The following GRM5 variants were observed in gnomAD, a reference collection of about 807,000 sequenced individuals.
GRM5 encodes metabotropic glutamate receptor 5.
In GRM5, 19 loss-of-function variants were observed where a neutral mutation model predicts 83.1. That is an observed-to-expected ratio of 0.23 (90% confidence interval 0.16 to 0.34). The LOEUF (loss-of-function observed/expected upper bound fraction) is 0.34, where lower values mean the gene tolerates loss of function less well. Among genes scored for constraint, GRM5 ranks in the 10% least tolerant of loss-of-function variants. The pLI is 1.00. For synonymous variants in GRM5, 675 were observed against 633.6 expected (o/e 1.07, Z -0.98); for missense variants, 1,160 against 1,588.3 (o/e 0.73, Z 4.58).
chr11:88,721,271 A>G (rs1388116388), intron 3 of GRM5, among the ~76,000 whole-genome samples: 1 of 152,102 alleles, frequency 6.6e-6, no homozygotes, highest in Non-Finnish European at 1.5e-5. Context: ...CTAGAAATTC[A>G]ATCTTTTTTG....
chr11:89,057,832 T>C (rs1199675642), intron 1 of GRM5, among the ~76,000 whole-genome samples: 1 of 152,174 alleles, frequency 6.6e-6, no homozygotes, highest in Non-Finnish European at 1.5e-5. Flanking sequence ...TACTTATTAA[T>C]ACATAATATT....
At chr11:88,593,151 A>G (rs1056975905) in intron 6 of GRM5, among the ~76,000 whole-genome samples, 2 of 152,194 alleles carry the variant, frequency 1.3e-5, no homozygotes, top group Admixed American at 1.3e-4. Flanking sequence ...AACAATATAT[A>G]ACATATCTGA....
intron 3 of GRM5, among the ~76,000 whole-genome samples, chr11:88,693,193 C>T (rs7480163): frequency 0.98 from 148,685 of 152,318 alleles, 72,678 homozygotes; most frequent in East Asian, 1. Flanking sequence ...GGTCCTACTA[C>T]CTACAAAACA....
At chr11:89,046,733 T>C (rs1941649892) in intron 2 of GRM5, among the ~76,000 whole-genome samples, 1 of 152,216 alleles carries the variant, frequency 6.6e-6, no homozygotes, top group Non-Finnish European at 1.5e-5. Context: ...GACCAAACTT[T>C]TTGGTAATTC....
intron 3 of GRM5, among the ~76,000 whole-genome samples, chr11:88,829,020 C>A (rs1460345063): frequency 6.6e-6 from 1 of 151,464 alleles, no homozygotes; most frequent in South Asian, 2.1e-4. Flanking sequence ...TATTTAAAAA[C>A]TTAATTTTAT....
At chr11:88,911,974 A>G in intron 2 of GRM5, 1 of 462,666 alleles carries the variant, frequency 2.2e-6, no homozygotes, top group Non-Finnish European at 4.5e-6. Flanking sequence ...TATTGTCTTA[A>G]TATACAACCA....
chr11:88,698,229 C>T (rs1408701328), intron 3 of GRM5, among the ~76,000 whole-genome samples: 2 of 152,136 alleles, frequency 1.3e-5, no homozygotes, highest in African/African-American at 2.4e-5. Context: ...CCTATATGGT[C>T]GGGCCCTGCT....
intron 3 of GRM5, among the ~76,000 whole-genome samples, chr11:88,849,199 A>T (rs1214890002): frequency 6.6e-6 from 1 of 152,076 alleles, no homozygotes; most frequent in Non-Finnish European, 1.5e-5. Context: ...AAATTTATAC[A>T]TACACATATA....
At chr11:88,626,219 A>G (rs997244256) in intron 4 of GRM5, among the ~76,000 whole-genome samples, 3 of 152,220 alleles carry the variant, frequency 2.0e-5, no homozygotes, top group East Asian at 1.9e-4. Context: ...GTATAATGCC[A>G]TGGATTACAT....
intron 1 of GRM5, among the ~76,000 whole-genome samples, chr11:89,050,335 T>C (rs565891000): frequency 6.6e-6 from 1 of 152,348 alleles, no homozygotes; most frequent in South Asian, 2.1e-4. Flanking sequence ...ATTAACTCAC[T>C]TAACAAATAT....
Position 89,053,276 on chromosome 11 carries a change from T to C in GRM5, c.-200-5204A>G, listed in dbSNP as rs942942997. Among the ~76,000 whole-genome samples, 7 of 152,098 alleles carry C rather than the reference T, an allele frequency of 4.6e-5. 1 individual carries two copies. Among genetic ancestry groups the C allele is most frequent in the Non-Finnish European group, 1.0e-4 (7 of 68,000 alleles). ...CCCCAAATTATAGCTCATCAGATTA[T>C]GAAGCCTAATCTGATGAGGCAGATA... On this transcript the variant is annotated intron_variant, in intron 1 of 9. Coordinates refer to ENST00000305447, the MANE Select transcript of GRM5 (RefSeq NM_001143831.3).
At chr11:88,981,630 C>T (rs1406057705) in intron 2 of GRM5, among the ~76,000 whole-genome samples, 1 of 151,246 alleles carries the variant, frequency 6.6e-6, no homozygotes, top group Non-Finnish European at 1.5e-5. Context: ...CTCTACCCCC[C>T]ACCTTGCCAT....
chr11:88,854,518 G>T (rs1944438883), intron 2 of GRM5, among the ~76,000 whole-genome samples: 3 of 151,868 alleles, frequency 2.0e-5, no homozygotes, highest in African/African-American at 7.3e-5. Flanking sequence ...TTCATCAGCT[G>T]GGATCTGGAA....
intron 2 of GRM5, among the ~76,000 whole-genome samples, chr11:88,879,018 T>C (rs996903773): frequency 6.6e-6 from 1 of 152,110 alleles, no homozygotes; most frequent in African/African-American, 2.4e-5. Flanking sequence ...AATGTGTATA[T>C]TTGTCAAAAG....
chr11:88,752,796 A>G (rs1051853130), intron 3 of GRM5, among the ~76,000 whole-genome samples: 6 of 152,220 alleles, frequency 3.9e-5, no homozygotes, highest in African/African-American at 1.4e-4. Context: ...ACTCAGAAAT[A>G]AGACTGCACA....
At chr11:89,013,228 T>G (rs1940758300) in intron 2 of GRM5, among the ~76,000 whole-genome samples, 1 of 152,228 alleles carries the variant, frequency 6.6e-6, no homozygotes, top group Non-Finnish European at 1.5e-5. Flanking sequence ...TGTGTTATTT[T>G]TCTGCATTTG....
At chr11:88,967,989 C>T (rs1939038709) in intron 2 of GRM5, among the ~76,000 whole-genome samples, 1 of 152,072 alleles carries the variant, frequency 6.6e-6, no homozygotes, top group African/African-American at 2.4e-5. Context: ...ATGTTTAGGC[C>T]TTCCCCTTCC....
chr11:89,059,462 A>G (rs964219611), intron 1 of GRM5, among the ~76,000 whole-genome samples: 10 of 152,196 alleles, frequency 6.6e-5, no homozygotes, highest in Non-Finnish European at 8.8e-5. Context: ...AGAATTCAAA[A>G]AAATTGATAT....
chr11:89,015,864 G>A (rs1435741910), intron 2 of GRM5, among the ~76,000 whole-genome samples: 3 of 152,122 alleles, frequency 2.0e-5, no homozygotes. Context: ...TCTACCATTA[G>A]CTAACAATGT....
Sources: gnomAD v4.1 joint callset for allele counts (sites outside exome capture counted in the v4.1 genomes callset) on GRCh38, gnomAD v4.1.1 for gene constraint, MANE v1.5 for transcripts, NCBI Gene and HGNC (gene_info 2026-07-23, HGNC 2026-07-21) for gene names.